LDAH: variants seen among roughly 807,000 people sequenced by gnomAD.
LDAH encodes the protein lipid droplet-associated hydrolase.
A neutral mutation model predicts 29.6 loss-of-function variants in LDAH; 26 were observed. The ratio of observed to expected loss-of-function variants is 0.88; its 90% confidence interval spans 0.64 to 1.22. The LOEUF is 1.22. LDAH is among the 50% of genes most tolerant of loss of function. The pLI is 0.00. For synonymous variants in LDAH, 117 were observed against 133.0 expected (o/e 0.88, Z 0.83); for missense variants, 344 against 387.3 (o/e 0.89, Z 0.94).
Position 20,722,093 on chromosome 2 carries a change from C to T in LDAH, c.703+17878G>A, listed in dbSNP as rs542577126. The stretch of plus-strand genomic sequence containing the variant: ...TGTGGGAGCTAAAAAGTGAATCTTA[C>T]GGCTGGGCACAGTGGCTCACGCCTG... On this transcript the variant is annotated intron_variant, in intron 5 of 6. Transcript: ENST00000237822. Among the ~76,000 whole-genome samples the T allele has an allele frequency of 1.6e-3, 240 of 152,156 alleles. 1 individual carries two copies. Among genetic ancestry groups the T allele is most frequent in the African/African-American group, 5.3e-3 (218 of 41,520 alleles).
intron 5 of LDAH, among the ~76,000 whole-genome samples, chr2:20,702,018 A>G (rs1467785140): frequency 6.6e-6 from 1 of 152,170 alleles, no homozygotes; most frequent in Non-Finnish European, 1.5e-5. Flanking sequence ...CATGTATACC[A>G]AGAAAATGCA....
intron 3 of LDAH, among the ~76,000 whole-genome samples, chr2:20,784,029 T>C (rs900567089): frequency 6.6e-6 from 1 of 152,206 alleles, no homozygotes; most frequent in African/African-American, 2.4e-5. Context: ...TGGTTTCTTG[T>C]AGACAACATA....
At position 20,685,060 on chromosome 2, in the gene LDAH, C is replaced by A; in HGVS notation, c.*1843G>T. ...ATCAGGCCAGACCAGGTCAGAAATG[C>A]TGGTAAAACATTTATTTCAAAAATT... On this transcript the variant is annotated 3_prime_UTR_variant, in exon 7 of 7. Coordinates refer to ENST00000237822, the MANE Select transcript of LDAH (RefSeq NM_021925.4). The A allele has an allele frequency of 9.6e-7, 1 of 1,044,162 alleles. No individual in the cohort carries two copies. The highest frequency in any genetic ancestry group is 1.3e-6 in the Non-Finnish European group (1 of 772,524). The allele number at this position is 1,044,162 out of a possible 1,614,324, so 64.7% of individuals were successfully genotyped here. A position where few individuals can be genotyped will look rare whatever the true frequency, so the allele number is the denominator to read the frequency against.
At chr2:20,818,570 C>CTT (rs139009602) in intron 1 of LDAH, among the ~76,000 whole-genome samples, 9 of 146,438 alleles carry the variant, frequency 6.1e-5, no homozygotes, top group Middle Eastern at 3.6e-3. Context: ...AAAACTACTG[C>CTT]TTTTTTTTTT....
At chr2:20,721,652 G>A (rs776608153) in intron 5 of LDAH, among the ~76,000 whole-genome samples, 15 of 152,184 alleles carry the variant, frequency 9.9e-5, no homozygotes, top group Non-Finnish European at 1.8e-4. Context: ...TGCTGGTGAG[G>A]ATGCAGAGAA....
At chr2:20,768,809 A>G (rs1053061681) in intron 4 of LDAH, among the ~76,000 whole-genome samples, 2 of 152,166 alleles carry the variant, frequency 1.3e-5, no homozygotes, top group African/African-American at 4.8e-5. Flanking sequence ...TTTATCCCTT[A>G]CACTGTCTTC....
At chr2:20,801,994 G>GTA (rs1204804416) in intron 1 of LDAH, among the ~76,000 whole-genome samples, 2 of 150,318 alleles carry the variant, frequency 1.3e-5, no homozygotes, top group African/African-American at 2.5e-5. Flanking sequence ...GAATATGTGT[G>GTA]TATATATATG....
intron 3 of LDAH, among the ~76,000 whole-genome samples, chr2:20,781,093 C>A (rs911470128): frequency 6.6e-6 from 1 of 152,184 alleles, no homozygotes; most frequent in Non-Finnish European, 1.5e-5. Flanking sequence ...ACAAAACCAG[C>A]ATGATTTCTA....
intron 3 of LDAH, 88 bp from the exon 4 acceptor site, chr2:20,775,067 G>C: frequency 5.0e-6 from 6 of 1,205,882 alleles, no homozygotes; most frequent in Non-Finnish European, 7.0e-6. Flanking sequence ...ATGATAAAAA[G>C]CAGTTACCAT....
At chr2:20,809,151 G>A (rs530281432) in intron 1 of LDAH, among the ~76,000 whole-genome samples, 2 of 152,066 alleles carry the variant, frequency 1.3e-5, no homozygotes, top group Non-Finnish European at 2.9e-5. Flanking sequence ...CAGCACTTTA[G>A]GAGGCCGAGG....
chr2:20,717,331 T>A (rs1037204699), intron 5 of LDAH, among the ~76,000 whole-genome samples: 1 of 152,132 alleles, frequency 6.6e-6, no homozygotes. Flanking sequence ...GAAGAAGATA[T>A]GTGCCATATG....
At chr2:20,742,943 T>G (rs943437731) in intron 4 of LDAH, among the ~76,000 whole-genome samples, 2 of 151,754 alleles carry the variant, frequency 1.3e-5, no homozygotes, top group African/African-American at 4.8e-5. Flanking sequence ...AAATTTTTTG[T>G]AGAGATGGTC....
chr2:20,801,474 G>A lies in LDAH; in HGVS notation c.-2-9C>T. On this transcript the variant is annotated splice_polypyrimidine_tract_variant and intron_variant, in intron 1 of 6. Coordinates refer to ENST00000237822, the MANE Select transcript of LDAH (RefSeq NM_021925.4). ...GAGTTCTGAGTCCATTTCTAAATAA[G>A]GGGAGAAAAGTAGTATGAAGAGTCA... The A allele has an allele frequency of 6.2e-7, 1 of 1,611,418 alleles. No homozygotes were observed. Among genetic ancestry groups the A allele is most frequent in the Non-Finnish European group, 8.5e-7 (1 of 1,177,874 alleles).
intron 1 of LDAH, among the ~76,000 whole-genome samples, chr2:20,812,212 C>T (rs1486222524): frequency 6.6e-6 from 1 of 152,218 alleles, no homozygotes; most frequent in African/African-American, 2.4e-5. Context: ...AGTAGACATA[C>T]AGTTTCTCCA....
At chr2:20,820,346 G>A (rs371238250) in intron 1 of LDAH, among the ~76,000 whole-genome samples, 70 of 152,220 alleles carry the variant, frequency 4.6e-4, no homozygotes, top group Middle Eastern at 3.4e-3. Flanking sequence ...GAGGCATCAC[G>A]CTACCTGACT....
chr2:20,757,673 A>C (rs1558448900), intron 4 of LDAH, among the ~76,000 whole-genome samples: 1 of 152,206 alleles, frequency 6.6e-6, no homozygotes, highest in Non-Finnish European at 1.5e-5. Context: ...ACACTGAGTA[A>C]AGCATATTGC....
chr2:20,705,117 T>C (rs902905169), intron 5 of LDAH, among the ~76,000 whole-genome samples: 1 of 152,256 alleles, frequency 6.6e-6, no homozygotes. Context: ...GGAATTTTTA[T>C]AGATGTTTAC....
chr2:20,757,315 T>C (rs962676216), intron 4 of LDAH, among the ~76,000 whole-genome samples: 1 of 152,092 alleles, frequency 6.6e-6, no homozygotes, highest in Admixed American at 6.6e-5. Flanking sequence ...AGGCTTTCAG[T>C]GGAAACTATT....
intron 4 of LDAH, among the ~76,000 whole-genome samples, chr2:20,768,464 C>A (rs535638814): frequency 5.9e-5 from 9 of 152,320 alleles, no homozygotes; most frequent in African/African-American, 2.2e-4. Context: ...GAGCTGCCTG[C>A]CCCATGGCAG....
Sources: gnomAD v4.1 joint callset for allele counts (sites outside exome capture counted in the v4.1 genomes callset) on GRCh38, gnomAD v4.1.1 for gene constraint, MANE v1.5 for transcripts, NCBI Gene and HGNC (gene_info 2026-07-23, HGNC 2026-07-21) for gene names.